COL25A1: variants seen among roughly 807,000 people sequenced by gnomAD.
The protein encoded by COL25A1 is collagen type XXV alpha 1 chain, also known as collagen alpha-1(XXV) chain.
Under a neutral mutation model 128.4 loss-of-function variants are expected in COL25A1, and 103 were observed. The observed-to-expected ratio is 0.80, with a 90% CI of 0.68 to 0.94. The LOEUF (loss-of-function observed/expected upper bound fraction) is 0.94, where lower values mean the gene tolerates loss of function less well. Ranked by LOEUF, COL25A1 falls within the 40% of genes least tolerant of loss-of-function variation. The pLI, the probability that COL25A1 is intolerant of heterozygous loss-of-function variation, is 0.00. For missense variants in COL25A1, 745 were observed against 840.0 expected (o/e 0.89, Z 1.40); for synonymous variants, 279 against 277.2 (o/e 1.01, Z -0.06).
intron 16 of COL25A1, 109 bp from the exon 17 acceptor site, chr4:108,889,842 T>C: frequency 1.1e-6 from 1 of 883,372 alleles, no homozygotes; most frequent in Non-Finnish European, 1.9e-6. Flanking sequence ...ATCTCATGAC[T>C]AATGTGCCTA....
chr4:109,178,038 A>G (rs371009354), intron 3 of COL25A1, among the ~76,000 whole-genome samples: 13 of 152,348 alleles, frequency 8.5e-5, no homozygotes, highest in African/African-American at 3.1e-4. Flanking sequence ...GTTTAAGTAC[A>G]AACTGATACC....
At chr4:109,058,624 A>G (rs910392517) in intron 3 of COL25A1, among the ~76,000 whole-genome samples, 1 of 152,260 alleles carries the variant, frequency 6.6e-6, no homozygotes, top group Non-Finnish European at 1.5e-5. Context: ...AGAGATTGAA[A>G]TAATCTTCAT....
chr4:108,984,675 C>G (rs965025304), intron 6 of COL25A1, among the ~76,000 whole-genome samples: 1 of 152,226 alleles, frequency 6.6e-6, no homozygotes, highest in African/African-American at 2.4e-5. Flanking sequence ...CACGCCCACC[C>G]GGAACTCCCG....
intron 14 of COL25A1, among the ~76,000 whole-genome samples, chr4:108,900,347 C>A (rs7655700): frequency 0.49 from 74,375 of 152,062 alleles, 19,896 homozygotes; most frequent in East Asian, 0.93. Flanking sequence ...CTATAAATTT[C>A]AGGTCTGTCC....
At chr4:108,874,445 G>GA (rs896835913) in intron 19 of COL25A1, among the ~76,000 whole-genome samples, 1 of 146,156 alleles carries the variant, frequency 6.8e-6, no homozygotes, top group Non-Finnish European at 1.5e-5. Context: ...TTTAATGAAG[G>GA]AAAAAAATAA....
At chr4:108,974,599 A>G (rs1462176777) in intron 6 of COL25A1, 40 bp from the exon 7 acceptor site, 2 of 1,514,012 alleles carry the variant, frequency 1.3e-6, no homozygotes, top group Non-Finnish European at 1.8e-6. Flanking sequence ...AATTAAAAAA[A>G]GATATTGTAA....
chr4:108,837,671 A>G (rs1164172537), intron 31 of COL25A1, among the ~76,000 whole-genome samples: 6 of 152,206 alleles, frequency 3.9e-5, no homozygotes, highest in African/African-American at 9.7e-5. Flanking sequence ...ACAATGGCCA[A>G]TTCCATACCT....
intron 6 of COL25A1, among the ~76,000 whole-genome samples, chr4:108,996,494 G>C (rs1754788330): frequency 6.6e-6 from 1 of 152,062 alleles, no homozygotes; most frequent in African/African-American, 2.4e-5. Context: ...GACCTACAAA[G>C]AGACTTAGAC....
Position 109,150,019 on chromosome 4 carries a change from T to A in COL25A1, c.368-99840A>T, listed in dbSNP as rs1771336566. Among the ~76,000 whole-genome samples the A allele has an allele frequency of 2.6e-5, 4 of 151,342 alleles. No individual in the cohort carries two copies. The South Asian group carries it at 8.3e-4, about 32-fold the overall frequency. On this transcript the variant is annotated intron_variant, in intron 3 of 37. Coordinates refer to ENST00000399132, the MANE Select transcript of COL25A1 (RefSeq NM_198721.4). ...GTGTGGGTGTGTGTGTGTGTATGTA[T>A]CTGTGTGTATGTGTATGTATGTGTG...
chr4:109,242,617 T>C (rs1441135181), intron 3 of COL25A1, among the ~76,000 whole-genome samples: 1 of 152,102 alleles, frequency 6.6e-6, no homozygotes, highest in Non-Finnish European at 1.5e-5. Flanking sequence ...ATGTAAAAGG[T>C]GGCTTGATAT....
intron 19 of COL25A1, among the ~76,000 whole-genome samples, chr4:108,873,113 G>A (rs1012536331): frequency 2.0e-5 from 3 of 151,920 alleles, no homozygotes; most frequent in Admixed American, 2.0e-4. Context: ...GGCTGGTCTC[G>A]AACTCCTGGC....
chr4:109,297,016 G>T (rs917592441), intron 3 of COL25A1, among the ~76,000 whole-genome samples: 2 of 152,000 alleles, frequency 1.3e-5, no homozygotes, highest in African/African-American at 2.4e-5. Context: ...TTTTACAGAG[G>T]CCAAGCCACA....
intron 3 of COL25A1, among the ~76,000 whole-genome samples, chr4:109,253,109 C>T (rs1780774888): frequency 6.6e-6 from 1 of 152,184 alleles, no homozygotes; most frequent in African/African-American, 2.4e-5. Flanking sequence ...ACCCCATAAC[C>T]AATTCAGAAA....
At chr4:108,869,240 C>A (rs1433741874) in intron 19 of COL25A1, 90 bp from the exon 20 acceptor site, 2 of 737,228 alleles carry the variant, frequency 2.7e-6, no homozygotes, top group African/African-American at 3.9e-5. Context: ...AACTCATTTT[C>A]TTCTACTGAG....
intron 24 of COL25A1, among the ~76,000 whole-genome samples, chr4:108,855,201 T>G (rs1351318904): frequency 6.7e-6 from 1 of 148,392 alleles, no homozygotes; most frequent in Non-Finnish European, 1.5e-5. Flanking sequence ...GTTTTTTTTT[T>G]TTATTTTTTA....
At chr4:109,001,372 C>CAGGCAACTGAGATCCTGTCAGGT (rs1755347481) in intron 6 of COL25A1, among the ~76,000 whole-genome samples, 2 of 24,148 alleles carry the variant, frequency 8.3e-5, no homozygotes, top group Non-Finnish European at 1.3e-4. Flanking sequence ...TTAAAAGAAA[C>CAGGCAACTGAGATCCTGTCAGGT]AGGCATCTGA....
chr4:109,078,676 C>G (rs1437073682), intron 3 of COL25A1, among the ~76,000 whole-genome samples: 1 of 152,162 alleles, frequency 6.6e-6, no homozygotes, highest in Non-Finnish European at 1.5e-5. Flanking sequence ...AAAGTTATTT[C>G]TAGGTGAAAT....
At position 108,809,934 on chromosome 4, in the gene COL25A1, A is replaced by T. The variant is rs188020654; in HGVS notation, c.*3993T>A. On this transcript the variant is annotated 3_prime_UTR_variant, in exon 38 of 38. Transcript: ENST00000399132. ...AGGGTTCCTAAGGACTTAACTTCCA[A>T]GAGATAGCAGGAGCTCTTGTTTTTA... is the stretch of plus-strand genomic sequence containing the variant. 4.6e-5 allele frequency: 7 copies of T among 151,724 alleles called. No homozygotes were observed. The highest frequency in any genetic ancestry group is 7.4e-5 in the Non-Finnish European group (5 of 67,780). 9.4% of individuals were successfully genotyped at this position (151,724 alleles called of 1,614,324 possible). A position where few individuals can be genotyped will look rare whatever the true frequency, so the allele number is the denominator to read the frequency against.
intron 5 of COL25A1, among the ~76,000 whole-genome samples, chr4:109,013,484 C>CCACACTCTGTAGGCTTTGTTCTT (rs1553999817): frequency 6.6e-6 from 1 of 151,080 alleles, no homozygotes; most frequent in African/African-American, 2.4e-5. Context: ...GAGTCCCCTT[C>CCACACTCTGTAGGCTTTGTTCTT]CACACTGTGT....
Sources: gnomAD v4.1 joint callset for allele counts (sites outside exome capture counted in the v4.1 genomes callset) on GRCh38, gnomAD v4.1.1 for gene constraint, MANE v1.5 for transcripts, NCBI Gene and HGNC (gene_info 2026-07-23, HGNC 2026-07-21) for gene names.